Variants in LSM4 observed in about 807,000 individuals in gnomAD.
The protein encoded by LSM4 is U6 snRNA-associated Sm-like protein LSm4.
LSM4 carries 15 observed loss-of-function variants against 22.3 expected under a neutral mutation model. The ratio of observed to expected loss-of-function variants is 0.67; its 90% CI spans 0.45 to 1.03. The LOEUF (loss-of-function observed/expected upper bound fraction) is 1.03. Among genes scored for constraint, LSM4 ranks in the 50% least tolerant of loss-of-function variants. LSM4 has a pLI of 0.00. For missense variants in LSM4, 127 were observed against 198.0 expected (o/e 0.64, Z 2.15); for synonymous variants, 90 against 79.8 (o/e 1.13, Z -0.68).
In LSM4 at chr19:18,309,706, TTTCTGCTGC is replaced by T; in HGVS notation, c.291_299del (p.Gln98_Lys100del). The stretch of plus-strand genomic sequence containing the variant: ...GGCCAGCGCCGCCCATGCCGCGGCC[TTTCTGCTGC>T]TTCTGCTGCTGCAGGCCTCCGCGGC... On this transcript the variant is annotated inframe_deletion, in exon 4 of 5. Transcript: ENST00000593829. 7 of 1,610,374 alleles carry T rather than the reference TTTCTGCTGC, an allele frequency of 4.3e-6. No individual in the cohort carries two copies. The highest frequency in any genetic ancestry group is 5.9e-6 in the Non-Finnish European group (7 of 1,178,736).
At chr19:18,321,106 A>G (rs1203252062) in intron 1 of LSM4, among the ~76,000 whole-genome samples, 6 of 152,018 alleles carry the variant, frequency 3.9e-5, no homozygotes, top group Non-Finnish European at 5.9e-5. Context: ...ATTCTCGGCT[A>G]CTCCTCCAGG....
chr19:18,312,330 C>A, intron 3 of LSM4: 1 of 405,750 alleles, frequency 2.5e-6, no homozygotes, highest in Non-Finnish European at 4.6e-6. Flanking sequence ...CAGCCTGAGC[C>A]ACAGGGAGTC....
rs925660581 is a variant in LSM4 at position 18,307,449 on chromosome 19, G to A, written c.*15C>T. The A allele has an allele frequency of 1.1e-5, 17 of 1,514,472 alleles. No individual in the cohort carries two copies. The highest frequency in any genetic ancestry group is 3.7e-5 in the South Asian group (3 of 80,400). 93.8% of individuals were successfully genotyped at this position (1,514,472 alleles called of 1,614,324 possible). ...CCTGGCAGGAGGGGGCGCAGCAGCC[G>A]GTCTGGGTGGGCGCTCACTGTTTGC... is the stretch of plus-strand genomic sequence containing the variant. On this transcript the variant is annotated 3_prime_UTR_variant, in exon 5 of 5. Coordinates refer to ENST00000593829, the MANE Select transcript of LSM4 (RefSeq NM_012321.5).
intron 4 of LSM4, 196 bp downstream of exon 4, chr19:18,309,482 C>G: frequency 1.7e-6 from 1 of 584,270 alleles, no homozygotes; most frequent in African/African-American, 1.9e-5. Flanking sequence ...CCAGGAGGCG[C>G]AGTGAGAGGA....
In LSM4 at chr19:18,323,043, G is replaced by A. The variant is rs1970444317; in HGVS notation, c.-23C>T. On this transcript the variant is annotated 5_prime_UTR_variant, in exon 1 of 5. Transcript: ENST00000593829. ...CATGGTGCCGGCGGGGACCGGGCTC[G>A]CCGGCCACTTCCGCCGCCGCCGCTG... 2.6e-6 allele frequency: 4 copies of A among 1,538,026 alleles called. No individual in the cohort carries two copies. The highest frequency in any genetic ancestry group is 1.4e-5 in the African/African-American group (1 of 69,580).
chr19:18,320,277 G>A (rs1391317521), intron 1 of LSM4, among the ~76,000 whole-genome samples: 3 of 152,234 alleles, frequency 2.0e-5, no homozygotes, highest in Non-Finnish European at 4.4e-5. Context: ...GGAGACTGAG[G>A]TGGGAGGATC....
chr19:18,313,480 C>T (rs564218401), intron 2 of LSM4, among the ~76,000 whole-genome samples: 37 of 152,304 alleles, frequency 2.4e-4, no homozygotes, highest in African/African-American at 8.7e-4. Context: ...AGTAGCAGAT[C>T]ATTCTGAGGA....
Position 18,307,506 on chromosome 19 carries a change from G to T in LSM4, c.378C>A (p.Gly126=). The T allele has an allele frequency of 6.4e-7, 1 of 1,556,198 alleles. No individual in the cohort carries two copies. The highest frequency in any genetic ancestry group is 8.7e-7 in the Non-Finnish European group (1 of 1,151,032). Residue 126 remains glycine, a synonymous_variant, in exon 5 of 5, where the codon GGC becomes GGA. Transcript: ENST00000593829. ...GRGGIPGTGR[G]QPEKKPGRQA... The stretch of plus-strand genomic sequence containing the variant: ...GTCTGCCAGGCTTCTTCTCTGGCTG[G>T]CCTCTGCCTGTGCCCGGGATCCCAC...
intron 3 of LSM4, among the ~76,000 whole-genome samples, chr19:18,311,475 G>A (rs919671660): frequency 3.9e-5 from 6 of 152,188 alleles, no homozygotes; most frequent in East Asian, 3.9e-4. Flanking sequence ...TGGAGACCAC[G>A]CAGCCTCTGA....
Position 18,312,309 on chromosome 19 carries a change from G to A in LSM4, c.144+295C>T, listed in dbSNP as rs12973429. The stretch of plus-strand genomic sequence containing the variant: ...CCGGGAGTCTTGGGCCTCCCCTGGA[G>A]GGGGCTGCCCCAGCCTGAGCCACAG... On this transcript the variant is annotated intron_variant, in intron 3 of 4. Transcript: ENST00000593829. The A allele has an allele frequency of 1.4e-5, 5 of 355,496 alleles. No individual in the cohort carries two copies. The South Asian group carries it at 1.6e-4, about 11-fold the overall frequency. The allele number at this position is 355,496 out of a possible 1,614,324, so 22.0% of individuals were successfully genotyped here.
chr19:18,314,816 G>A (rs1970336786), intron 2 of LSM4, among the ~76,000 whole-genome samples: 1 of 152,110 alleles, frequency 6.6e-6, no homozygotes, highest in African/African-American at 2.4e-5. Flanking sequence ...TAAAGGTGGT[G>A]GTTACACAAC....
At chr19:18,320,752 C>T (rs879131901) in intron 1 of LSM4, among the ~76,000 whole-genome samples, 3 of 152,056 alleles carry the variant, frequency 2.0e-5, no homozygotes, top group East Asian at 3.8e-4. Context: ...GCTGAGATTA[C>T]ACCACTGCAC....
At chr19:18,314,947 C>G (rs545740338) in intron 2 of LSM4, among the ~76,000 whole-genome samples, 1 of 151,764 alleles carries the variant, frequency 6.6e-6, no homozygotes, top group Non-Finnish European at 1.5e-5. Flanking sequence ...TGCAGTGGCG[C>G]GATCTCAGCT....
At position 18,309,747 on chromosome 19, in the gene LSM4, C is replaced by T; in HGVS notation, c.259G>A (p.Gly87Ser). ...DMVKEEVVAK[G>S]RGRGGLQQQK... ...TGCTGCAGGCCTCCGCGGCCGCGGC[C>T]CTTGGCCACCACCTCCTCCTTGACC... The change falls in exon 4 of 5, where the codon GGC becomes AGC. Residue 87 changes from glycine (G) to serine (S), a missense_variant. Gly to Ser is a moderately conservative substitution (Grantham distance 56, BLOSUM62 0). Coordinates refer to ENST00000593829, the MANE Select transcript of LSM4 (RefSeq NM_012321.5). 1 of 1,613,588 alleles carries T rather than the reference C, an allele frequency of 6.2e-7. No individual in the cohort carries two copies. The highest frequency in any genetic ancestry group is 8.5e-7 in the Non-Finnish European group (1 of 1,179,816).
intron 4 of LSM4, among the ~76,000 whole-genome samples, chr19:18,308,063 G>A (rs547446593): frequency 6.6e-6 from 1 of 152,302 alleles, no homozygotes; most frequent in African/African-American, 2.4e-5. Flanking sequence ...AAGGGGAGGG[G>A]ACTCCCCAGC....
intron 2 of LSM4, among the ~76,000 whole-genome samples, chr19:18,313,388 T>C (rs896203990): frequency 6.6e-6 from 1 of 152,172 alleles, no homozygotes; most frequent in Admixed American, 6.5e-5. Flanking sequence ...ACACCAGATA[T>C]TTGGGCTTCA....
chr19:18,322,537 A>G (rs1190747127), intron 1 of LSM4, among the ~76,000 whole-genome samples: 2 of 152,122 alleles, frequency 1.3e-5, no homozygotes, highest in Non-Finnish European at 2.9e-5. Context: ...GCCAGAAACC[A>G]AGAGGCCTAG....
At chr19:18,319,865 C>G (rs185313992) in intron 1 of LSM4, among the ~76,000 whole-genome samples, 1 of 152,310 alleles carries the variant, frequency 6.6e-6, no homozygotes, top group Admixed American at 6.5e-5. Flanking sequence ...CTGTGTCCCT[C>G]GCTAGACTGG....
chr19:18,321,336 A>G (rs1028103596), intron 1 of LSM4, among the ~76,000 whole-genome samples: 1 of 152,238 alleles, frequency 6.6e-6, no homozygotes, highest in Admixed American at 6.5e-5. Flanking sequence ...AGAGAGGGAC[A>G]GGCTCTCTGA....
Sources: gnomAD v4.1 joint callset for allele counts (sites outside exome capture counted in the v4.1 genomes callset) on GRCh38, gnomAD v4.1.1 for gene constraint, MANE v1.5 for transcripts, NCBI Gene and HGNC (gene_info 2026-07-23, HGNC 2026-07-21) for gene names.